PHACTR1: variants seen among roughly 807,000 people sequenced by gnomAD.
PHACTR1 encodes the protein phosphatase and actin regulator 1.
A neutral mutation model predicts 69.2 loss-of-function variants in PHACTR1; 16 were observed. That is an observed-to-expected ratio of 0.23 (90% confidence interval 0.16 to 0.35). The LOEUF (loss-of-function observed/expected upper bound fraction) is 0.35. Ranked by LOEUF, PHACTR1 falls within the 10% of genes least tolerant of loss-of-function variation. The pLI is 1.00. For synonymous variants in PHACTR1, 312 were observed against 284.5 expected, an observed-to-expected ratio of 1.10 and a Z score of -0.97; for missense variants, 510 against 734.7, an observed-to-expected ratio of 0.69 and a Z score of 3.54.
At chr6:13,005,752 T>C (rs956433150) in intron 4 of PHACTR1, among the ~76,000 whole-genome samples, 2 of 152,098 alleles carry the variant, frequency 1.3e-5, no homozygotes, top group Non-Finnish European at 1.5e-5. Context: ...GAATTCGACG[T>C]CATATTTCCC....
intron 4 of PHACTR1, among the ~76,000 whole-genome samples, chr6:12,947,358 T>C (rs1378201032): frequency 7.0e-6 from 1 of 141,854 alleles, no homozygotes; most frequent in African/African-American, 2.7e-5. Flanking sequence ...TTTTTTTTTC[T>C]GTGATGACAA....
At chr6:12,791,225 T>G (rs1372947117) in intron 4 of PHACTR1, among the ~76,000 whole-genome samples, 2 of 152,056 alleles carry the variant, frequency 1.3e-5, no homozygotes, top group East Asian at 3.9e-4. Context: ...AGGTAGAAGT[T>G]TTTAGAGGAC....
intron 4 of PHACTR1, among the ~76,000 whole-genome samples, chr6:13,039,495 T>G (rs1351223840): frequency 6.6e-6 from 1 of 152,226 alleles, no homozygotes; most frequent in Admixed American, 6.5e-5. Flanking sequence ...GATATTTGAT[T>G]AGCTCTGCAG....
At chr6:13,271,317 A>G (rs1188675702) in intron 10 of PHACTR1, among the ~76,000 whole-genome samples, 1 of 152,192 alleles carries the variant, frequency 6.6e-6, no homozygotes, top group African/African-American at 2.4e-5. Context: ...CCCCCGAGCA[A>G]TGGGGATTAC....
At chr6:13,187,195 G>A (rs1762928871) in intron 7 of PHACTR1, among the ~76,000 whole-genome samples, 1 of 152,190 alleles carries the variant, frequency 6.6e-6, no homozygotes, top group African/African-American at 2.4e-5. Flanking sequence ...ATAGGCCGCG[G>A]ACCAGTACAG....
intron 5 of PHACTR1, among the ~76,000 whole-genome samples, chr6:13,063,771 C>A (rs1808063289): frequency 1.3e-5 from 2 of 150,180 alleles, no homozygotes; most frequent in Non-Finnish European, 3.0e-5. Flanking sequence ...TGGAGTGAGA[C>A]CCTGTCTGAA....
At chr6:12,997,744 C>T (rs1797602128) in intron 4 of PHACTR1, among the ~76,000 whole-genome samples, 1 of 151,986 alleles carries the variant, frequency 6.6e-6, no homozygotes, top group Non-Finnish European at 1.5e-5. Flanking sequence ...CACAAGGTCA[C>T]GAGATGGAGA....
chr6:13,127,561 C>A (rs1053494696), intron 5 of PHACTR1, among the ~76,000 whole-genome samples: 1 of 152,076 alleles, frequency 6.6e-6, no homozygotes, highest in Non-Finnish European at 1.5e-5. Flanking sequence ...CAGAGAGAGA[C>A]CCTGTAAAAA....
At chr6:12,888,808 T>A (rs1321715963) in intron 4 of PHACTR1, among the ~76,000 whole-genome samples, 1 of 152,228 alleles carries the variant, frequency 6.6e-6, no homozygotes, top group Non-Finnish European at 1.5e-5. Context: ...TATGGCTCAG[T>A]CCCATGGGTC....
At chr6:12,799,946 G>C (rs892140830) in intron 4 of PHACTR1, among the ~76,000 whole-genome samples, 4 of 152,182 alleles carry the variant, frequency 2.6e-5, no homozygotes, top group Non-Finnish European at 5.9e-5. Flanking sequence ...ATTACAAAAA[G>C]TTTTGACAGA....
chr6:13,267,479 G>GT (rs34784617), intron 10 of PHACTR1: 103,437 of 151,924 alleles, frequency 0.68, 37,432 homozygotes, highest in Non-Finnish European at 0.83. Context: ...CTGCTGAATG[G>GT]TTTTTTTCTG....
intron 7 of PHACTR1, among the ~76,000 whole-genome samples, chr6:13,185,368 T>G (rs929930576): frequency 6.6e-6 from 1 of 152,112 alleles, no homozygotes; most frequent in African/African-American, 2.4e-5. Context: ...CATATGAGTA[T>G]GTCAAGGTTT....
At chr6:12,798,667 C>T (rs1773359966) in intron 4 of PHACTR1, among the ~76,000 whole-genome samples, 1 of 152,122 alleles carries the variant, frequency 6.6e-6, no homozygotes, top group Admixed American at 6.5e-5. Flanking sequence ...GGTGACTTGT[C>T]CTGTATGCTT....
At chr6:12,897,392 G>A (rs1184103126) in intron 4 of PHACTR1, among the ~76,000 whole-genome samples, 1 of 151,732 alleles carries the variant, frequency 6.6e-6, no homozygotes, top group Non-Finnish European at 1.5e-5. Context: ...TGCCTCTTTT[G>A]GGGACCTCCT....
At chr6:12,769,865 C>A (rs147431463) in intron 4 of PHACTR1, among the ~76,000 whole-genome samples, 1 of 152,356 alleles carries the variant, frequency 6.6e-6, no homozygotes, top group East Asian at 1.9e-4. Context: ...CTTTAACCCC[C>A]CAAGTCGAGC....
intron 4 of PHACTR1, among the ~76,000 whole-genome samples, chr6:13,006,771 C>T (rs926492146): frequency 1.3e-5 from 2 of 152,170 alleles, no homozygotes; most frequent in Non-Finnish European, 2.9e-5. Context: ...AACACAAGTT[C>T]ATGTCTCATA....
chr6:12,765,840 T>C (rs1049357800), intron 4 of PHACTR1, among the ~76,000 whole-genome samples: 2 of 152,178 alleles, frequency 1.3e-5, no homozygotes, highest in African/African-American at 4.8e-5. Flanking sequence ...TCATCAATAT[T>C]CAACTCATGG....
chr6:12,736,618 A>G (rs1341115764), intron 3 of PHACTR1, among the ~76,000 whole-genome samples: 1 of 152,228 alleles, frequency 6.6e-6, no homozygotes, highest in East Asian at 1.9e-4. Flanking sequence ...AGAAAAACTT[A>G]AAAGTAAGGA....
intron 5 of PHACTR1, among the ~76,000 whole-genome samples, chr6:13,152,294 A>G (rs1019576992): frequency 2.0e-5 from 3 of 151,966 alleles, no homozygotes; most frequent in Admixed American, 1.3e-4. Context: ...AGATCGAGCC[A>G]TTGCACTCCA....
Sources: allele counts gnomAD v4.1 joint callset (sites outside exome capture counted in the v4.1 genomes callset), GRCh38; gene constraint gnomAD v4.1.1; transcripts MANE v1.5; gene names NCBI Gene and HGNC (gene_info 2026-07-23, HGNC 2026-07-21).